The following OPHN1 variants were observed in gnomAD, a reference collection of about 807,000 sequenced individuals.
OPHN1 encodes the protein oligophrenin-1.
Under a neutral mutation model 60.7 loss-of-function variants are expected in OPHN1, and 11 were observed. The ratio of observed to expected loss-of-function variants is 0.18; its 90% confidence interval spans 0.11 to 0.30. The LOEUF is 0.30. Ranked by LOEUF, OPHN1 falls within the 10% of genes least tolerant of loss-of-function variation. The pLI is 1.00. For synonymous variants in OPHN1, 226 were observed against 222.6 expected, an observed-to-expected ratio of 1.02 and a Z score of -0.14; for missense variants, 449 against 611.0, an observed-to-expected ratio of 0.73 and a Z score of 2.80.
intron 19 of OPHN1, among the ~76,000 whole-genome samples, chrX:68,087,367 G>A (rs2076999473): frequency 8.9e-6 from 1 of 112,041 alleles, no homozygotes; most frequent in Non-Finnish European, 1.9e-5. Context: ...TCTCCTGAAG[G>A]CTTCTGGGAA....
At chrX:68,226,425 T>C (rs774007079) in intron 6 of OPHN1, among the ~76,000 whole-genome samples, 1 of 110,685 alleles carries the variant, frequency 9.0e-6, no homozygotes, top group South Asian at 3.9e-4. Flanking sequence ...AGACACATAA[T>C]TGTCAGATTC....
chrX:68,140,305 G>A (rs1441631529), intron 15 of OPHN1, among the ~76,000 whole-genome samples: 1 of 111,733 alleles, frequency 8.9e-6, no homozygotes, highest in Non-Finnish European at 1.9e-5. Context: ...GAATGATCTG[G>A]CCTATGATTG....
intron 5 of OPHN1, among the ~76,000 whole-genome samples, chrX:68,265,048 G>T (rs1216501163): frequency 1.8e-5 from 2 of 112,439 alleles, no homozygotes; most frequent in Non-Finnish European, 3.8e-5. Context: ...AAACTGGGTG[G>T]AGCCCACCGC....
At chrX:68,079,697 T>A (rs1352630980) in intron 19 of OPHN1, among the ~76,000 whole-genome samples, 1 of 111,913 alleles carries the variant, frequency 8.9e-6, no homozygotes, top group Non-Finnish European at 1.9e-5. Context: ...TACCAATATA[T>A]CTAACTAACT....
At chrX:68,431,291 G>A (rs904253635) in intron 2 of OPHN1, among the ~76,000 whole-genome samples, 2 of 112,032 alleles carry the variant, frequency 1.8e-5, no homozygotes, top group African/African-American at 6.5e-5. Flanking sequence ...CAGGAACTTC[G>A]ACAGTGTACA....
chrX:68,299,149 A>C (rs1223672741), intron 2 of OPHN1, 53 bp from the exon 3 acceptor site: 4 of 805,042 alleles, frequency 5.0e-6, no homozygotes, highest in Non-Finnish European at 7.4e-6. Context: ...GCTTTGATCT[A>C]TTTCCTCATC....
intron 2 of OPHN1, among the ~76,000 whole-genome samples, chrX:68,428,441 C>T (rs1360382141): frequency 9.0e-6 from 1 of 111,339 alleles, no homozygotes; most frequent in Non-Finnish European, 1.9e-5. Context: ...TCCACCTGTT[C>T]CCACTTTTAT....
intron 5 of OPHN1, among the ~76,000 whole-genome samples, chrX:68,249,298 C>T (rs2077821963): frequency 8.9e-6 from 1 of 111,805 alleles, no homozygotes; most frequent in Non-Finnish European, 1.9e-5. Flanking sequence ...CTTTTGAGAA[C>T]TTATTTTATT....
intron 18 of OPHN1, among the ~76,000 whole-genome samples, chrX:68,110,689 T>C (rs1460268977): frequency 3.6e-5 from 4 of 112,383 alleles, no homozygotes; most frequent in Middle Eastern, 4.2e-3. Flanking sequence ...GATCACAAAC[T>C]ACTTTTTGGA....
At chrX:68,171,056 C>A in intron 15 of OPHN1, among the ~76,000 whole-genome samples, 1 of 110,745 alleles carries the variant, frequency 9.0e-6, no homozygotes, top group Non-Finnish European at 1.9e-5. Context: ...TTAGTATTTG[C>A]TAGCACAACA....
intron 15 of OPHN1, among the ~76,000 whole-genome samples, chrX:68,168,905 A>G (rs1310776442): frequency 4.5e-5 from 5 of 111,885 alleles, no homozygotes; most frequent in African/African-American, 1.6e-4. Flanking sequence ...AAAATCTAGA[A>G]GAAATGGATA....
intron 4 of OPHN1, among the ~76,000 whole-genome samples, chrX:68,280,275 TA>T (rs2078013767): frequency 8.9e-6 from 1 of 112,107 alleles, no homozygotes; most frequent in East Asian, 2.8e-4. Flanking sequence ...TTTCCCCTTA[TA>T]AAACACGTCC....
chrX:68,048,743 C>T (rs748080456), intron 23 of OPHN1, among the ~76,000 whole-genome samples: 28 of 112,127 alleles, frequency 2.5e-4, no homozygotes, highest in Admixed American at 1.6e-3. Context: ...CTGCAGACCA[C>T]GAACTACATT....
At chrX:68,053,565 C>A in intron 22 of OPHN1, 80 bp downstream of exon 22, 1 of 1,030,682 alleles carries the variant, frequency 9.7e-7, no homozygotes, top group Admixed American at 2.3e-5. Flanking sequence ...CACTGTATAC[C>A]CTTAATATGG....
chrX:68,078,064 C>G (rs969644347), intron 19 of OPHN1, among the ~76,000 whole-genome samples: 2 of 111,659 alleles, frequency 1.8e-5, no homozygotes, highest in Non-Finnish European at 3.8e-5. Context: ...ATTTGTCTAG[C>G]TTAAATCCCC....
intron 2 of OPHN1, among the ~76,000 whole-genome samples, chrX:68,369,367 G>A (rs773950705): frequency 9.0e-6 from 1 of 111,252 alleles, no homozygotes; most frequent in South Asian, 3.8e-4. Flanking sequence ...GCAACTCCTG[G>A]AGAAGGGAGA....
At chrX:68,401,374 T>C (rs755782155) in intron 2 of OPHN1, among the ~76,000 whole-genome samples, 1 of 112,094 alleles carries the variant, frequency 8.9e-6, no homozygotes, top group Non-Finnish European at 1.9e-5. Flanking sequence ...AGAAAGATTC[T>C]AGATAGACTA....
intron 5 of OPHN1, among the ~76,000 whole-genome samples, chrX:68,244,999 C>T (rs1015056411): frequency 3.6e-5 from 4 of 111,699 alleles, no homozygotes; most frequent in Non-Finnish European, 7.5e-5. Flanking sequence ...CACTAAACCA[C>T]GTTCAAATTC....
chrX:68,205,883 C>T (rs1446571939), intron 10 of OPHN1, among the ~76,000 whole-genome samples: 1 of 111,029 alleles, frequency 9.0e-6, no homozygotes, highest in African/African-American at 3.3e-5. Flanking sequence ...GAAAGAGGCA[C>T]ATTGAACTAC....
Sources: allele counts gnomAD v4.1 joint callset (sites outside exome capture counted in the v4.1 genomes callset), GRCh38; gene constraint gnomAD v4.1.1; transcripts MANE v1.5; gene names NCBI Gene and HGNC (gene_info 2026-07-23, HGNC 2026-07-21).